The following PTPRD variants were observed in gnomAD, a reference collection of about 807,000 sequenced individuals.
PTPRD encodes receptor-type tyrosine-protein phosphatase delta.
PTPRD carries 34 observed loss-of-function variants against 214.5 expected under a neutral mutation model. The ratio of observed to expected loss-of-function variants is 0.16; its 90% CI spans 0.12 to 0.21. The LOEUF is 0.21. Ranked by LOEUF, PTPRD falls within the 10% of genes least tolerant of loss-of-function variation. PTPRD has a pLI of 1.00. For missense variants in PTPRD, 2,545 were observed against 2,398.7 expected (o/e 1.06, Z -1.27); for synonymous variants, 1,128 against 845.7 (o/e 1.33, Z -5.79).
intron 44 of PTPRD, among the ~76,000 whole-genome samples, chr9:8,324,007 C>G (rs553812588): frequency 1.3e-5 from 2 of 152,044 alleles, no homozygotes; most frequent in Non-Finnish European, 2.9e-5. Flanking sequence ...CAGAAACCAC[C>G]GCCCATCGAT....
intron 3 of PTPRD, among the ~76,000 whole-genome samples, chr9:10,229,235 C>G (rs1387834583): frequency 1.3e-5 from 2 of 152,018 alleles, no homozygotes; most frequent in Non-Finnish European, 2.9e-5. Flanking sequence ...GAAATAGGAA[C>G]ACTTTTACAC....
chr9:10,148,428 C>T (rs1259993609), intron 3 of PTPRD, among the ~76,000 whole-genome samples: 1 of 152,020 alleles, frequency 6.6e-6, no homozygotes, highest in African/African-American at 2.4e-5. Flanking sequence ...AAAATGAGTA[C>T]AATGAAAGAA....
intron 3 of PTPRD, among the ~76,000 whole-genome samples, chr9:10,194,820 C>A (rs1029252874): frequency 1.3e-5 from 2 of 152,094 alleles, no homozygotes; most frequent in Non-Finnish European, 2.9e-5. Flanking sequence ...TTCAAACACT[C>A]TTCTATACTT....
intron 2 of PTPRD, among the ~76,000 whole-genome samples, chr9:10,551,277 T>A (rs979170158): frequency 1.5e-4 from 23 of 152,156 alleles, no homozygotes; most frequent in Non-Finnish European, 2.5e-4. Context: ...GGTTCCAGGT[T>A]ACAGTGAGCT....
At chr9:9,542,237 C>A (rs188648855) in intron 8 of PTPRD, among the ~76,000 whole-genome samples, 1 of 151,796 alleles carries the variant, frequency 6.6e-6, no homozygotes, top group Admixed American at 6.6e-5. Flanking sequence ...TCTTGAGCAA[C>A]TTTATGCCAA....
chr9:10,108,870 G>GGT (rs1554652689), intron 3 of PTPRD, among the ~76,000 whole-genome samples: 2,332 of 146,256 alleles, frequency 0.016, 60 homozygotes, highest in African/African-American at 0.053. Context: ...CGTAAAGAGG[G>GGT]TTTTTTTTTT....
In PTPRD at chr9:9,917,685, A is replaced by C. The variant is rs1198316319; in HGVS notation, c.-368+20822T>G. 3.9e-5 allele frequency among the ~76,000 whole-genome samples: 6 copies of C among 152,164 alleles called. No homozygotes were observed. The East Asian group carries it at 1.2e-3, about 29-fold the overall frequency. ...ATAGCCTGATGAACAGAGACACAAA[A>C]GTCTTAAACAAAATACTAACAAACC... On this transcript the variant is annotated intron_variant, in intron 5 of 45. Coordinates refer to ENST00000381196, the MANE Select transcript of PTPRD (RefSeq NM_002839.4).
intron 3 of PTPRD, among the ~76,000 whole-genome samples, chr9:10,288,952 C>A (rs909068991): frequency 6.6e-6 from 1 of 151,832 alleles, no homozygotes; most frequent in Admixed American, 6.6e-5. Flanking sequence ...CAATAAGGCA[C>A]TCAGTTGGGA....
intron 7 of PTPRD, among the ~76,000 whole-genome samples, chr9:9,732,949 G>C (rs1315137875): frequency 6.6e-6 from 1 of 151,706 alleles, no homozygotes; most frequent in Non-Finnish European, 1.5e-5. Context: ...ATAATTTCAA[G>C]TTCCTTTTGT....
chr9:9,640,701 T>C (rs2095911990), intron 7 of PTPRD, among the ~76,000 whole-genome samples: 1 of 152,188 alleles, frequency 6.6e-6, no homozygotes, highest in Non-Finnish European at 1.5e-5. Context: ...ATCAGAATAG[T>C]GATTGGTCTT....
At chr9:8,713,325 C>T (rs1565488105) in intron 12 of PTPRD, 11 of 826,640 alleles carry the variant, frequency 1.3e-5, no homozygotes, top group Non-Finnish European at 2.2e-5. Context: ...AGGCCTCGGG[C>T]ACACTAAGAG....
chr9:10,233,290 T>G (rs914584886), intron 3 of PTPRD, among the ~76,000 whole-genome samples: 1 of 152,018 alleles, frequency 6.6e-6, no homozygotes, highest in Non-Finnish European at 1.5e-5. Context: ...TCTTCCTGCT[T>G]GCATGCCAAC....
chr9:10,483,412 A>C (rs748870075), intron 2 of PTPRD, among the ~76,000 whole-genome samples: 3 of 152,112 alleles, frequency 2.0e-5, no homozygotes, highest in Non-Finnish European at 4.4e-5. Flanking sequence ...CAAATGCAAG[A>C]AAAATAAATA....
Position 10,459,402 on chromosome 9 carries a change from T to C in PTPRD, c.-599-118385A>G, listed in dbSNP as rs558241631. Among the ~76,000 whole-genome samples, 12 of 152,290 alleles carry C rather than the reference T, an allele frequency of 7.9e-5. No individual in the cohort carries two copies. The South Asian group carries it at 2.5e-3, about 32-fold the overall frequency. ...TTACAGTAGAATGATTTATAATCCT[T>C]TGGGTATATACCCAGTAATGGGATT... On this transcript the variant is annotated intron_variant, in intron 2 of 45. Transcript: ENST00000381196.
chr9:8,474,322 G>A (rs2096719664), intron 30 of PTPRD, among the ~76,000 whole-genome samples: 1 of 151,952 alleles, frequency 6.6e-6, no homozygotes. Flanking sequence ...CGGGGTTCAT[G>A]GCCTTCTTTT....
chr9:9,228,414 T>C (rs534752584), intron 9 of PTPRD, among the ~76,000 whole-genome samples: 1 of 152,114 alleles, frequency 6.6e-6, no homozygotes, highest in African/African-American at 2.4e-5. Context: ...TGTGCATGTG[T>C]ATTTGCAAAT....
At chr9:9,258,215 C>T (rs543616149) in intron 9 of PTPRD, among the ~76,000 whole-genome samples, 1 of 151,810 alleles carries the variant, frequency 6.6e-6, no homozygotes, top group Middle Eastern at 3.2e-3. Flanking sequence ...GTAGCCAATA[C>T]TATACAAAGC....
At chr9:10,205,863 G>C (rs990572753) in intron 3 of PTPRD, among the ~76,000 whole-genome samples, 1 of 151,954 alleles carries the variant, frequency 6.6e-6, no homozygotes, top group African/African-American at 2.4e-5. Flanking sequence ...ATTCACTTTG[G>C]GTTCAATTTT....
intron 2 of PTPRD, among the ~76,000 whole-genome samples, chr9:10,431,762 C>T (rs1262271212): frequency 1.3e-5 from 2 of 151,994 alleles, no homozygotes; most frequent in Non-Finnish European, 2.9e-5. Context: ...GTTAGAATGG[C>T]AATCATTAAA....
Sources: allele counts gnomAD v4.1 joint callset (sites outside exome capture counted in the v4.1 genomes callset), GRCh38; gene constraint gnomAD v4.1.1; transcripts MANE v1.5; gene names NCBI Gene and HGNC (gene_info 2026-07-23, HGNC 2026-07-21).